Variants in NEK4 observed in about 807,000 individuals in gnomAD.
The protein encoded by NEK4 is NIMA related kinase 4, also known as serine/threonine-protein kinase Nek4.
A neutral mutation model predicts 98.4 loss-of-function variants in NEK4; 86 were observed. That is an observed-to-expected ratio of 0.87 (90% CI 0.73 to 1.05). The LOEUF (loss-of-function observed/expected upper bound fraction) is 1.05. NEK4 is among the 50% of genes least tolerant of loss of function. The pLI is 0.00. For missense variants in NEK4, 898 were observed against 950.3 expected (o/e 0.94, Z 0.72); for synonymous variants, 328 against 342.2 (o/e 0.96, Z 0.46).
At chr3:52,734,850 TG>T in intron 15 of NEK4, 1 of 300,124 alleles carries the variant, frequency 3.3e-6, no homozygotes, top group East Asian at 1.1e-4. Context: ...AAACCAGAGA[TG>T]GATATCAAGA....
At chr3:52,729,965 G>T (rs1341203626) in intron 15 of NEK4, among the ~76,000 whole-genome samples, 5 of 151,478 alleles carry the variant, frequency 3.3e-5, no homozygotes, top group Non-Finnish European at 5.9e-5. Flanking sequence ...AAAATTAGCT[G>T]GGTGTGGTGG....
At chr3:52,729,218 G>A (rs576128728) in intron 15 of NEK4, among the ~76,000 whole-genome samples, 3 of 151,930 alleles carry the variant, frequency 2.0e-5, no homozygotes, top group Non-Finnish European at 2.9e-5. Context: ...TGGGCATCAC[G>A]GTCCTACTGA....
chr3:52,767,159 G>A (rs1031541581), intron 2 of NEK4, among the ~76,000 whole-genome samples: 4 of 151,972 alleles, frequency 2.6e-5, no homozygotes, highest in Non-Finnish European at 5.9e-5. Context: ...GGTGACGCAC[G>A]CCTATAATCC....
chr3:52,758,763 G>A (rs999856778), intron 6 of NEK4, among the ~76,000 whole-genome samples: 1 of 151,982 alleles, frequency 6.6e-6, no homozygotes, highest in Non-Finnish European at 1.5e-5. Flanking sequence ...AACACAGATC[G>A]AGAACTCCTA....
intron 13 of NEK4, among the ~76,000 whole-genome samples, 174 bp from the exon 14 acceptor site, chr3:52,739,808 A>G (rs2097382776): frequency 6.6e-6 from 1 of 152,240 alleles, no homozygotes; most frequent in Non-Finnish European, 1.5e-5. Flanking sequence ...AAAAAATACA[A>G]AACTCAACAA....
At chr3:52,734,766 T>C (rs553515113) in intron 15 of NEK4, 7 of 237,016 alleles carry the variant, frequency 3.0e-5, no homozygotes, top group Non-Finnish European at 6.0e-5. Flanking sequence ...GTCTACAACA[T>C]TGAATTCAAC....
chr3:52,751,355 C>A (rs899154323), intron 7 of NEK4, among the ~76,000 whole-genome samples: 6 of 151,874 alleles, frequency 4.0e-5, no homozygotes, highest in South Asian at 2.1e-4. Flanking sequence ...ACTCGGGAGG[C>A]TGACGCAGGA....
chr3:52,737,602 T>G lies in NEK4; in HGVS notation c.2417A>C (p.Asp806Ala). 1.2e-6 allele frequency: 2 copies of G among 1,613,718 alleles called. No individual in the cohort carries two copies. Among genetic ancestry groups the G allele is most frequent in the South Asian group, 1.1e-5 (1 of 91,046 alleles). Residue 806 changes from aspartate (D) to alanine (A), a missense_variant, in exon 15 of 16, where the codon GAT (aspartate) becomes GCT (alanine). Physicochemically the swap from Asp to Ala is moderately radical, Grantham distance 126. Coordinates refer to ENST00000233027, the MANE Select transcript of NEK4 (RefSeq NM_003157.6). ...EQVYDLLEEE[D>A]EFDREVRLRE... ...GACACTCACCTCTCTATCAAATTCA[T>G]CCTCCTCCTCCAAAAGATCATACAC... is the stretch of plus-strand genomic sequence containing the variant.
At chr3:52,764,925 T>G (rs1698498749) in intron 4 of NEK4, among the ~76,000 whole-genome samples, 1 of 152,210 alleles carries the variant, frequency 6.6e-6, no homozygotes, top group African/African-American at 2.4e-5. Context: ...CCCTTCTTGT[T>G]TGATTCTTAA....
intron 15 of NEK4, among the ~76,000 whole-genome samples, chr3:52,714,487 C>T (rs939187829): frequency 6.6e-6 from 1 of 152,224 alleles, no homozygotes; most frequent in African/African-American, 2.4e-5. Context: ...GCCACGCCCA[C>T]CTTCGCATGG....
Position 52,746,845 on chromosome 3 carries a change from C to A in NEK4, c.1566G>T (p.Gln522His). 6.2e-7 allele frequency: 1 copy of A among 1,613,888 alleles called. No individual in the cohort carries two copies. Among genetic ancestry groups the A allele is most frequent in the Non-Finnish European group, 8.5e-7 (1 of 1,179,802 alleles). The part of the protein sequence containing the change: ...EKQGRIHPDL[Q>H]PHNSGSEPSL... ...AAGGTTCAGACCCAGAGTTGTGTGG[C>A]TGTAAATCTGGGTGGATTCTGCCCT... The change falls in exon 9 of 16, where the codon CAG (glutamine) becomes CAT (histidine). Residue 522 changes from glutamine (Q) to histidine (H), a missense_variant. Transcript: ENST00000233027.
chr3:52,728,674 T>A (rs980295533), intron 15 of NEK4, among the ~76,000 whole-genome samples: 1 of 152,184 alleles, frequency 6.6e-6, no homozygotes, highest in African/African-American at 2.4e-5. Flanking sequence ...TCTGACTGCC[T>A]GAGGGGTCGG....
intron 12 of NEK4, among the ~76,000 whole-genome samples, chr3:52,742,059 T>A (rs1561306399): frequency 6.6e-6 from 1 of 152,200 alleles, no homozygotes; most frequent in Non-Finnish European, 1.5e-5. Flanking sequence ...ATTACAGGCA[T>A]GAGCTACCGC....
intron 15 of NEK4, among the ~76,000 whole-genome samples, chr3:52,728,317 A>G (rs1045033710): frequency 1.3e-5 from 2 of 152,234 alleles, no homozygotes; most frequent in Admixed American, 1.3e-4. Context: ...TAGAGGTTAC[A>G]GAGAGCCAAA....
chr3:52,710,882 T>C lies in NEK4; in HGVS notation c.*895A>G, dbSNP rs1323932198. 2.0e-5 allele frequency: 3 copies of C among 152,410 alleles called. No individual in the cohort carries two copies. The highest frequency in any genetic ancestry group is 7.2e-5 in the African/African-American group (3 of 41,466). 9.4% of individuals were successfully genotyped at this position (152,410 alleles called of 1,614,324 possible). On this transcript the variant is annotated 3_prime_UTR_variant, in exon 16 of 16. Transcript: ENST00000233027. ...AACTTCATAAAATTTCTTTCCTAGATGGGTATTACCTCTTATTAAACAACT... is the reference window on the plus strand; with the variant it reads ...AACTTCATAAAATTTCTTTCCTAGACGGGTATTACCTCTTATTAAACAACT...
At position 52,751,810 on chromosome 3, in the gene NEK4, T is replaced by C. The variant is rs1465764861; in HGVS notation, c.1368+122A>G. 7.3e-6 allele frequency: 7 copies of C among 962,174 alleles called. No individual in the cohort carries two copies. In the East Asian group the frequency reaches 1.7e-4, roughly 23 times the overall value. 59.6% of individuals were successfully genotyped at this position (962,174 alleles called of 1,614,324 possible). On this transcript the variant is annotated intron_variant, in intron 7 of 15. Coordinates refer to ENST00000233027, the MANE Select transcript of NEK4 (RefSeq NM_003157.6). ...TTTTGGTTTGATGCAAATATTCTTC[T>C]ATGTTTAAACTGATACATAGAATTA...
chr3:52,752,253 G>C lies in NEK4; in HGVS notation c.1047C>G (p.Cys349Trp). 7 of 1,614,166 alleles carry C rather than the reference G, an allele frequency of 4.3e-6. No individual in the cohort carries two copies. The highest frequency in any genetic ancestry group is 5.9e-6 in the Non-Finnish European group (7 of 1,180,024). Residue 349 changes from cysteine (C) to tryptophan (W), a missense_variant, in exon 7 of 16, where the codon TGC (cysteine) becomes TGG (tryptophan). Coordinates refer to ENST00000233027, the MANE Select transcript of NEK4 (RefSeq NM_003157.6). Reference sequence around the variant, plus strand: ...CTGTGGTATTGCTCAAGTCCTGTTTGCAGGTATGGGCTTTCAGACTGGCAG... The same window carrying C: ...CTGTGGTATTGCTCAAGTCCTGTTTCCAGGTATGGGCTTTCAGACTGGCAG... Reference protein sequence around the residue: ...KSPASLKAHTCKQDLSNTTEL... With the variant: ...KSPASLKAHTWKQDLSNTTEL...
intron 4 of NEK4, among the ~76,000 whole-genome samples, chr3:52,763,919 T>C (rs957751916): frequency 1.3e-5 from 2 of 152,228 alleles, no homozygotes; most frequent in Admixed American, 1.3e-4. Flanking sequence ...GTACTGTTCT[T>C]GCAGTAGTAA....
At chr3:52,714,466 C>G (rs766756122) in intron 15 of NEK4, among the ~76,000 whole-genome samples, 3 of 152,226 alleles carry the variant, frequency 2.0e-5, no homozygotes, top group Non-Finnish European at 4.4e-5. Flanking sequence ...GCCCCTGAAG[C>G]AGCTGACCAG....
Sources: gnomAD v4.1 joint callset for allele counts (sites outside exome capture counted in the v4.1 genomes callset) on GRCh38, gnomAD v4.1.1 for gene constraint, MANE v1.5 for transcripts, NCBI Gene and HGNC (gene_info 2026-07-23, HGNC 2026-07-21) for gene names.